Variants in DNAH2 observed in about 807,000 individuals in gnomAD.
DNAH2 encodes dynein axonemal heavy chain 2.
A neutral mutation model predicts 523.5 loss-of-function variants in DNAH2; 323 were observed. The ratio of observed to expected loss-of-function variants is 0.62; its 90% confidence interval spans 0.56 to 0.68. The LOEUF (loss-of-function observed/expected upper bound fraction) is 0.68, where lower values mean the gene tolerates loss of function less well. Ranked by LOEUF, DNAH2 falls within the 30% of genes least tolerant of loss-of-function variation. The probability of loss-of-function intolerance (pLI) is 0.00; values close to 1 mark genes in which losing one functional copy is unlikely to be tolerated. For synonymous variants in DNAH2, 2,093 were observed against 2,177.4 expected, an observed-to-expected ratio of 0.96 and a Z score of 1.08; for missense variants, 4,907 against 5,701.5, an observed-to-expected ratio of 0.86 and a Z score of 4.49.
At position 7,823,476 on chromosome 17, in the gene DNAH2, G is replaced by A. The variant is rs1265694349; in HGVS notation, c.11177G>A (p.Cys3726Tyr). ...CGGGAGGGCCAAATGGACAATCCATGTAGTAGCTGGCTTGCAGATGCCTAC... is the reference window on the plus strand; with the variant it reads ...CGGGAGGGCCAAATGGACAATCCATATAGTAGCTGGCTTGCAGATGCCTAC... ...LDREGQMDNP[C>Y]SSWLADAYWD... The change falls in exon 74 of 86, where the codon TGT (cysteine) becomes TAT (tyrosine). Residue 3726 changes from cysteine to tyrosine, a missense_variant. Physicochemically the swap from Cys to Tyr is radical, Grantham distance 194. Around this residue, in one of 3 missense-constraint regions of DNAH2, gnomAD observed 1,851 missense variants for 2,139.4 expected, o/e 0.87. Transcript: ENST00000572933. 1 of 1,614,094 alleles carries A rather than the reference G, an allele frequency of 6.2e-7. No individual in the cohort carries two copies. The highest frequency in any genetic ancestry group is 1.7e-5 in the Admixed American group (1 of 60,004).
intron 63 of DNAH2, among the ~76,000 whole-genome samples, chr17:7,811,945 T>G (rs917179800): frequency 5.3e-5 from 8 of 152,200 alleles, no homozygotes; most frequent in African/African-American, 1.9e-4. Flanking sequence ...CTCGTGAGCA[T>G]TATTTGAGAT....
In DNAH2 at chr17:7,757,159, T is replaced by G. The variant is rs1567647177; in HGVS notation, c.1973T>G (p.Val658Gly). 2 of 1,614,194 alleles carry G rather than the reference T, an allele frequency of 1.2e-6. No individual in the cohort carries two copies. The highest frequency in any genetic ancestry group is 2.2e-5 in the South Asian group (2 of 91,084). The change falls in exon 13 of 86, where the codon GTG becomes GGG. Residue 658 changes from valine to glycine, a missense_variant. Around this residue, in one of 3 missense-constraint regions of DNAH2, gnomAD observed 2,806 missense variants for 3,190.8 expected, o/e 0.88. Coordinates refer to ENST00000572933, the MANE Select transcript of DNAH2 (RefSeq NM_020877.5). ...ERLLFETPHY[V>G]VNVAERAEDL... ...CTGCTGTTTGAGACGCCCCATTACG[T>G]GGTGAACGTAGCTGAGCGAGCCGAG... is the stretch of plus-strand genomic sequence containing the variant.
At chr17:7,809,441 T>C (rs11872085) in intron 63 of DNAH2, among the ~76,000 whole-genome samples, 2,873 of 152,200 alleles carry the variant, frequency 0.019, 100 homozygotes, top group African/African-American at 0.063. Flanking sequence ...GGCTTCTCTC[T>C]GCACCTCTGC....
Position 7,717,812 on chromosome 17 carries a change from G to C in DNAH2, c.-1002G>C, listed in dbSNP as rs1295563020. 2 of 152,580 alleles carry C rather than the reference G, an allele frequency of 1.3e-5. No individual in the cohort carries two copies. Among genetic ancestry groups the C allele is most frequent in the African/African-American group, 2.4e-5 (1 of 41,456 alleles). The allele number at this position is 152,580 out of a possible 1,614,324, so 9.5% of individuals were successfully genotyped here. A position where few individuals can be genotyped will look rare whatever the true frequency, so the allele number is the denominator to read the frequency against. On this transcript the variant is annotated 5_prime_UTR_variant, in exon 1 of 86. Coordinates refer to ENST00000572933, the MANE Select transcript of DNAH2 (RefSeq NM_020877.5). ...GTGGCCCATCGGTCGGTCTAGGGAG[G>C]GGAGGGTCAGCGTGGCAAGGTGTGT...
In DNAH2 at chr17:7,781,569, G is replaced by T. The variant is rs2076605769; in HGVS notation, c.6129+402G>T. On this transcript the variant is annotated intron_variant, in intron 39 of 85. Transcript: ENST00000572933. ...ATAGAAAACTTGGCTTCCAGTCCTT[G>T]TTCTGCCATCTACTAGCTATGACTC... Among the ~76,000 whole-genome samples, 5 of 152,216 alleles carry T rather than the reference G, an allele frequency of 3.3e-5. No homozygotes were observed. In the South Asian group the frequency reaches 8.3e-4, roughly 25 times the overall value.
At position 7,798,219 on chromosome 17, in the gene DNAH2, G is replaced by A. The variant is rs1368133579; in HGVS notation, c.8293G>A (p.Gly2765Ser). Residue 2765 changes from glycine (G) to serine (S), a missense_variant, in exon 54 of 86, where the codon GGC becomes AGC. Transcript: ENST00000572933. The surrounding 1 kb of genome is among the most constrained non-coding windows in gnomAD (Gnocchi z 5.5). ...CAACATGCTCCTGGTGGGTATCGGG[G>A]GCAGCGGACGCCAGAGTCTGGCCCG... ...RGNMLLVGIG[G>S]SGRQSLARLA... 6.2e-7 allele frequency: 1 copy of A among 1,613,546 alleles called. No homozygotes were observed. Among genetic ancestry groups the A allele is most frequent in the Non-Finnish European group, 8.5e-7 (1 of 1,179,648 alleles).
intron 33 of DNAH2, 41 bp downstream of exon 33, chr17:7,777,675 G>T: frequency 6.2e-7 from 1 of 1,608,086 alleles, no homozygotes; most frequent in Non-Finnish European, 8.5e-7. Context: ...ACCGTAAAAT[G>T]GATCCTAATG....
rs201702851 is a variant in DNAH2, at chr17:7,823,546, A to G, written c.11247A>G (p.Gly3749=). 1.2e-5 allele frequency: 19 copies of G among 1,613,982 alleles called. No homozygotes were observed. In the South Asian group the frequency reaches 1.9e-4, roughly 16 times the overall value. Residue 3749 remains glycine (G), a synonymous_variant, in exon 74 of 86, where the codon GGA becomes GGG. Coordinates refer to ENST00000572933, the MANE Select transcript of DNAH2 (RefSeq NM_020877.5). ...TELDKLTNFH[G]LMNSFEQYPR... ...TAGACAAACTGACCAACTTCCACGG[A>G]CTCATGAACTCCTTTGAGCAGTACC... is the stretch of plus-strand genomic sequence containing the variant.
In DNAH2 at chr17:7,818,783, C is replaced by T. The variant is rs1166667635; in HGVS notation, c.10670+7C>T. ...TGGAGGATGAGATCCTGCGGTGAGG[C>T]CCTGCCTTCCCCTCCCACTGCCCCA... is the stretch of plus-strand genomic sequence containing the variant. On this transcript the variant is annotated splice_region_variant and intron_variant, in intron 70 of 85. Transcript: ENST00000572933. 9 of 1,613,914 alleles carry T rather than the reference C, an allele frequency of 5.6e-6. No individual in the cohort carries two copies. Among genetic ancestry groups the T allele is most frequent in the Non-Finnish European group, 7.6e-6 (9 of 1,179,890 alleles).
At chr17:7,809,419 T>C (rs1047258666) in intron 63 of DNAH2, among the ~76,000 whole-genome samples, 14 of 152,086 alleles carry the variant, frequency 9.2e-5, no homozygotes, top group Non-Finnish European at 1.8e-4. Context: ...CTCACCCAGG[T>C]TGGGTGAACG....
Position 7,828,601 on chromosome 17 carries a change from C to CT in DNAH2, c.11854-1692dup, listed in dbSNP as rs920324005. 6.0e-5 allele frequency among the ~76,000 whole-genome samples: 9 copies of CT among 151,260 alleles called. No individual in the cohort carries two copies. Among genetic ancestry groups the CT allele is most frequent in the Non-Finnish European group, 1.2e-4 (8 of 67,992 alleles). On this transcript the variant is annotated intron_variant, in intron 77 of 85. Coordinates refer to ENST00000572933, the MANE Select transcript of DNAH2 (RefSeq NM_020877.5). The surrounding 1 kb of genome is among the most constrained non-coding windows in gnomAD (Gnocchi z 4.1). ...TATTTTAATAAAATTCTGTAATGTTCTTTTTTTATTTTTTATTTTTTAAAT... is the reference window on the plus strand; with the variant it reads ...TATTTTAATAAAATTCTGTAATGTTCTTTTTTTTATTTTTTATTTTTTAAAT...
rs770241279 is a variant in DNAH2, at chr17:7,770,908, T to G, written c.4337T>G (p.Val1446Gly). 1.9e-6 allele frequency: 3 copies of G among 1,614,004 alleles called. No individual in the cohort carries two copies. The highest frequency in any genetic ancestry group is 2.5e-6 in the Non-Finnish European group (3 of 1,180,034). The change falls in exon 27 of 86, where the codon GTG becomes GGG. Residue 1446 changes from valine to glycine, a missense_variant. By Grantham distance (109) the Val-to-Gly change is moderately radical. Around this residue, in one of 3 missense-constraint regions of DNAH2, gnomAD observed 2,806 missense variants for 3,190.8 expected, o/e 0.88. Coordinates refer to ENST00000572933, the MANE Select transcript of DNAH2 (RefSeq NM_020877.5). ...ILEVIEMILT[V>G]QRQWMYLENI... is the part of the protein sequence containing the mutation. ...GAGGTTATTGAGATGATTCTCACAG[T>G]GCAGCGTCAGTGGATGTACTTAGAG... is the stretch of plus-strand genomic sequence containing the variant.
At chr17:7,767,793 A>C (rs1597592493) in intron 22 of DNAH2, 107 bp from the exon 23 acceptor site, 1 of 1,459,712 alleles carries the variant, frequency 6.9e-7, no homozygotes, top group East Asian at 2.4e-5. Context: ...CCGCTGTATT[A>C]TCTAGAGGGG....
At chr17:7,720,861 G>A (rs527947544) in intron 2 of DNAH2, among the ~76,000 whole-genome samples, 2 of 152,218 alleles carry the variant, frequency 1.3e-5, no homozygotes, top group East Asian at 3.9e-4. Flanking sequence ...GGAGGAGTAG[G>A]GGAAGATGGG....
At chr17:7,723,712 G>A in intron 3 of DNAH2, 23 bp downstream of exon 3, 1 of 1,609,386 alleles carries the variant, frequency 6.2e-7, no homozygotes, top group African/African-American at 1.3e-5. Flanking sequence ...CTTCCCTGTG[G>A]CAGATATTCC....
At chr17:7,819,097 C>T (rs1316887931) in intron 71 of DNAH2, 34 bp downstream of exon 71, 7 of 1,600,404 alleles carry the variant, frequency 4.4e-6, no homozygotes, top group Non-Finnish European at 5.9e-6. Context: ...TGCCTCCCAC[C>T]AGCCATCCAA....
chr17:7,801,030 G>A (rs985819493), intron 56 of DNAH2, among the ~76,000 whole-genome samples: 25 of 151,372 alleles, frequency 1.7e-4, no homozygotes, highest in Non-Finnish European at 8.9e-5. Context: ...ATGCCACCAC[G>A]GCCAGCTAAT....
rs779411012 is a variant in DNAH2 at position 7,774,714 on chromosome 17, G to C, written c.4502-45G>C. 28 of 1,568,860 alleles carry C rather than the reference G, an allele frequency of 1.8e-5. No homozygotes were observed. The African/African-American group carries it at 3.6e-4, about 20-fold the overall frequency. On this transcript the variant is annotated intron_variant, in intron 28 of 85. Coordinates refer to ENST00000572933, the MANE Select transcript of DNAH2 (RefSeq NM_020877.5). The stretch of plus-strand genomic sequence containing the variant: ...AGTTGGGGCATCCAGATCCGCCCAG[G>C]GCAGTGGAAATGAATCAAATGTCAT...
intron 49 of DNAH2, 62 bp from the exon 50 acceptor site, chr17:7,796,402 T>C (rs1376844569): frequency 3.2e-6 from 5 of 1,572,852 alleles, no homozygotes; most frequent in Non-Finnish European, 4.3e-6. Context: ...AAGCTCTTTA[T>C]TGGCTTCCCC....
Sources: gnomAD v4.1 joint callset for allele counts (sites outside exome capture counted in the v4.1 genomes callset) on GRCh38, gnomAD v4.1.1 for gene constraint, gnomAD v4.1.1 regional missense constraint, Gnocchi (gnomAD v3.1) non-coding constraint, MANE v1.5 for transcripts, NCBI Gene and HGNC (gene_info 2026-07-23, HGNC 2026-07-21) for gene names.